Variants in ST6GALNAC1 observed in about 807,000 individuals in gnomAD.
ST6GALNAC1 encodes the protein ST6 N-acetylgalactosaminide alpha-2,6-sialyltransferase 1.
Under a neutral mutation model 56.8 loss-of-function variants are expected in ST6GALNAC1, and 45 were observed. The ratio of observed to expected loss-of-function variants is 0.79; its 90% CI spans 0.62 to 1.02. The LOEUF is 1.02. ST6GALNAC1 is among the 50% of genes least tolerant of loss of function. The pLI is 0.00. For missense variants in ST6GALNAC1, 743 were observed against 754.8 expected (o/e 0.98, Z 0.18); for synonymous variants, 295 against 297.8 (o/e 0.99, Z 0.10).
At chr17:76,634,529 G>A (rs1480590653) in intron 1 of ST6GALNAC1, among the ~76,000 whole-genome samples, 1 of 151,482 alleles carries the variant, frequency 6.6e-6, no homozygotes, top group East Asian at 1.9e-4. Context: ...GTTCTTCGGG[G>A]TCTCCTGTCT....
chr17:76,637,885 G>A, intron 1 of ST6GALNAC1: 3 of 390,478 alleles, frequency 7.7e-6, no homozygotes, highest in Non-Finnish European at 4.5e-6. Context: ...AGGCTAGAGT[G>A]CAGTGGCATG....
chr17:76,622,252 C>CTATATA (rs143088443), downstream of ST6GALNAC1, among the ~76,000 whole-genome samples: 3,178 of 148,586 alleles, frequency 0.021, 58 homozygotes, highest in Non-Finnish European at 0.029. Context: ...AAGTCCTTTA[C>CTATATA]TATATATATA....
In ST6GALNAC1 at chr17:76,627,251, T is replaced by TG. The variant is rs146144287; in HGVS notation, c.1001-14dup. 29,954 of 1,552,484 alleles carry TG rather than the reference T, an allele frequency of 0.019. 403 individuals are homozygous for TG. The highest frequency in any genetic ancestry group is 0.062 in the East Asian group (2,743 of 44,270). ...ACCTTCTGCACCACTGGAACAAGAGTGGGGGTGCTCCATTCAGAGCCCTGG... is the reference window on the plus strand; with the variant it reads ...ACCTTCTGCACCACTGGAACAAGAGTGGGGGGTGCTCCATTCAGAGCCCTGG... On this transcript the variant is annotated splice_polypyrimidine_tract_variant and intron_variant, in intron 3 of 8. Transcript: ENST00000156626. This position sits in a 1 kb window ranked among gnomAD's most constrained non-coding sequence, Gnocchi z 4.4.
chr17:76,641,176 T>C (rs2076043381), intron 1 of ST6GALNAC1, among the ~76,000 whole-genome samples: 1 of 152,214 alleles, frequency 6.6e-6, no homozygotes, highest in African/African-American at 2.4e-5. Flanking sequence ...TTCTTGCTTC[T>C]GTAATATGCT....
rs762691922 is a variant in ST6GALNAC1, at chr17:76,627,448, G to T, written c.967C>A (p.Pro323Thr). 1 of 1,614,224 alleles carries T rather than the reference G, an allele frequency of 6.2e-7. No individual in the cohort carries two copies. Among genetic ancestry groups the T allele is most frequent in the Admixed American group, 1.7e-5 (1 of 60,022 alleles). ...SEWDRLEHFA[P>T]PFGFMELNYS... ...TTGAGCTCCATGAAGCCAAAGGGTG[G>T]TGCAAAGTGTTCCAGGCGGTCCCAC... is the stretch of plus-strand genomic sequence containing the variant. Residue 323 changes from proline (P) to threonine (T), a missense_variant, in exon 3 of 9, where the codon CCA becomes ACA. Pro to Thr is a conservative substitution (Grantham distance 38). Coordinates refer to ENST00000156626, the MANE Select transcript of ST6GALNAC1 (RefSeq NM_018414.5). The surrounding 1 kb of genome is among the most constrained non-coding windows in gnomAD (Gnocchi z 4.4).
At chr17:76,637,272 T>A (rs1455935555) in intron 1 of ST6GALNAC1, among the ~76,000 whole-genome samples, 147 of 18,102 alleles carry the variant, frequency 8.1e-3, no homozygotes, top group South Asian at 0.022. Context: ...CAATAAATAC[T>A]AAAAAAAAAA....
chr17:76,626,632 C>T lies in ST6GALNAC1; in HGVS notation c.1311+19G>A. 6.2e-7 allele frequency: 1 copy of T among 1,613,964 alleles called. No individual in the cohort carries two copies. The highest frequency in any genetic ancestry group is 8.5e-7 in the Non-Finnish European group (1 of 1,179,964). On this transcript the variant is annotated intron_variant, in intron 5 of 8. Transcript: ENST00000156626. The stretch of plus-strand genomic sequence containing the variant: ...CATCCAGAGTCTGGGTGTGGCCAGG[C>T]TCCTTCCTCTTTGCTCACCTTCCCA...
At chr17:76,637,351 TAAAAA>T in intron 1 of ST6GALNAC1, 1 of 123,112 alleles carries the variant, frequency 8.1e-6, no homozygotes, top group Non-Finnish European at 1.7e-5. Context: ...AGATGTGAAT[TAAAAA>T]AAAAAAAAAA....
intron 1 of ST6GALNAC1, chr17:76,637,783 G>A (rs1239385558): frequency 5.0e-6 from 2 of 398,550 alleles, no homozygotes; most frequent in East Asian, 3.6e-5. Context: ...CTGAAGCTTG[G>A]TGGATGGGAG....
At chr17:76,630,466 G>A (rs2075875881) in intron 1 of ST6GALNAC1, among the ~76,000 whole-genome samples, 1 of 152,074 alleles carries the variant, frequency 6.6e-6, no homozygotes, top group Non-Finnish European at 1.5e-5. Context: ...CTCCAGCGGG[G>A]GCACTCTCTA....
chr17:76,628,014 G>A (rs1006840618), intron 2 of ST6GALNAC1, among the ~76,000 whole-genome samples: 5 of 150,998 alleles, frequency 3.3e-5, no homozygotes, highest in Non-Finnish European at 7.4e-5. Flanking sequence ...GGAGAATGGC[G>A]TGAACCCGGG....
In ST6GALNAC1 at chr17:76,631,545, G is replaced by A. The variant is rs1292682435; in HGVS notation, c.132-1834C>T. ...GAGCCTCTGGGGGGGCTTGGAACCA[G>A]GAATCGCTCTCTAAGGCTTTGTCTC... is the stretch of plus-strand genomic sequence containing the variant. On this transcript the variant is annotated intron_variant, in intron 1 of 8. Coordinates refer to ENST00000156626, the MANE Select transcript of ST6GALNAC1 (RefSeq NM_018414.5). Among the ~76,000 whole-genome samples the A allele has an allele frequency of 2.0e-5, 3 of 152,186 alleles. No homozygotes were observed. The East Asian group carries it at 5.8e-4, about 29-fold the overall frequency.
At chr17:76,633,999 C>T (rs2075943013) in intron 1 of ST6GALNAC1, among the ~76,000 whole-genome samples, 1 of 152,182 alleles carries the variant, frequency 6.6e-6, no homozygotes, top group Non-Finnish European at 1.5e-5. Context: ...AAGGAAAGGT[C>T]ACTCACTAAC....
At chr17:76,639,531 C>T (rs966925225) in intron 1 of ST6GALNAC1, among the ~76,000 whole-genome samples, 9 of 151,970 alleles carry the variant, frequency 5.9e-5, no homozygotes, top group African/African-American at 2.2e-4. Context: ...GCCAAGATCG[C>T]GCCACTGCAC....
Position 76,630,167 on chromosome 17 carries a change from G to A in ST6GALNAC1, c.132-456C>T, listed in dbSNP as rs555567903. Among the ~76,000 whole-genome samples, 7 of 152,270 alleles carry A rather than the reference G, an allele frequency of 4.6e-5. No individual in the cohort carries two copies. In the South Asian group the frequency reaches 1.0e-3, roughly 23 times the overall value. ...CAGGAGAGCATCTCATCCGACAAAC[G>A]TTTACTAAATGTCTATTCTGTGCAG... On this transcript the variant is annotated intron_variant, in intron 1 of 8. Coordinates refer to ENST00000156626, the MANE Select transcript of ST6GALNAC1 (RefSeq NM_018414.5).
rs748079375 is a variant in ST6GALNAC1 at position 76,643,634 on chromosome 17, C to G, written c.5G>C (p.Arg2Thr). Residue 2 changes from arginine to threonine, a missense_variant, in exon 1 of 9, where the codon AGG becomes ACG. Arg to Thr is a moderately conservative substitution (Grantham distance 71, BLOSUM62 -1). Coordinates refer to ENST00000156626, the MANE Select transcript of ST6GALNAC1 (RefSeq NM_018414.5). MRSCLWRCRHLS... is the reference protein window; with the variant it reads MTSCLWRCRHLS... The stretch of plus-strand genomic sequence containing the variant: ...GTGCCTGCATCTCCACAGGCAGGAC[C>G]TCATGGTGGTGGGTCGGGTTCTAGA... The G allele has an allele frequency of 1.2e-6, 2 of 1,613,928 alleles. No homozygotes were observed.
At chr17:76,622,197 TA>T (rs1302541161), downstream of ST6GALNAC1, among the ~76,000 whole-genome samples, 4 of 150,500 alleles carry the variant, frequency 2.7e-5, no homozygotes, top group Admixed American at 6.6e-5. Flanking sequence ...TATATATATA[TA>T]TTTTTGCCTA....
chr17:76,620,188 G>T (rs147748042), downstream of ST6GALNAC1, among the ~76,000 whole-genome samples: 15 of 151,840 alleles, frequency 9.9e-5, no homozygotes, highest in East Asian at 2.5e-3. Flanking sequence ...TTACAGGCAC[G>T]TGCCACCATG....
chr17:76,640,121 C>T (rs1412700007), intron 1 of ST6GALNAC1, among the ~76,000 whole-genome samples: 1 of 152,132 alleles, frequency 6.6e-6, no homozygotes, highest in Non-Finnish European at 1.5e-5. Context: ...CTGCCCCCTG[C>T]GGCATTTAGT....
Sources: allele counts gnomAD v4.1 joint callset (sites outside exome capture counted in the v4.1 genomes callset), GRCh38; gene constraint gnomAD v4.1.1; non-coding constraint Gnocchi (gnomAD v3.1); transcripts MANE v1.5; gene names NCBI Gene and HGNC (gene_info 2026-07-23, HGNC 2026-07-21).